Variants in SORCS1 observed in about 807,000 individuals in gnomAD.
SORCS1 encodes sortilin related VPS10 domain containing receptor 1, also known as VPS10 domain-containing receptor SorCS1.
SORCS1 carries 60 observed loss-of-function variants against 146.1 expected under a neutral mutation model. That is an observed-to-expected ratio of 0.41 (90% CI 0.33 to 0.51). SORCS1 has a LOEUF of 0.51. Among genes scored for constraint, SORCS1 ranks in the 20% least tolerant of loss-of-function variants. SORCS1 has a pLI of 0.21. For missense variants in SORCS1, 1,352 were observed against 1,487.6 expected (o/e 0.91, Z 1.50); for synonymous variants, 637 against 584.0 (o/e 1.09, Z -1.31).
At chr10:106,922,036 A>T (rs1952736617) in intron 2 of SORCS1, among the ~76,000 whole-genome samples, 1 of 152,196 alleles carries the variant, frequency 6.6e-6, no homozygotes, top group South Asian at 2.1e-4. Context: ...AACATTAAGA[A>T]ATATAAGAAA....
chr10:106,726,185 C>CT (rs1169402270), intron 6 of SORCS1, among the ~76,000 whole-genome samples: 3,215 of 66,324 alleles, frequency 0.048, 245 homozygotes, highest in African/African-American at 0.12. Flanking sequence ...CTTTCCCTCT[C>CT]TTTTTTTTTT....
intron 18 of SORCS1, among the ~76,000 whole-genome samples, chr10:106,638,020 G>A (rs1848829186): frequency 6.6e-6 from 1 of 152,140 alleles, no homozygotes. Context: ...ACTATGAGCT[G>A]GGGCCTCTGT....
At chr10:106,773,945 T>C (rs1374598274) in intron 4 of SORCS1, among the ~76,000 whole-genome samples, 6 of 150,340 alleles carry the variant, frequency 4.0e-5, no homozygotes, top group Non-Finnish European at 7.4e-5. Context: ...CAAGACTCCA[T>C]CTCAAAAAAA....
At chr10:106,768,991 G>A (rs1394066858) in intron 4 of SORCS1, among the ~76,000 whole-genome samples, 1 of 152,186 alleles carries the variant, frequency 6.6e-6, no homozygotes, top group East Asian at 1.9e-4. Context: ...AGCAGGGGTA[G>A]GACGTGACAG....
chr10:107,011,371 A>G (rs1957688968), intron 1 of SORCS1, among the ~76,000 whole-genome samples: 1 of 152,372 alleles, frequency 6.6e-6, no homozygotes, highest in South Asian at 2.1e-4. Flanking sequence ...TCAAGAGCAG[A>G]TGATAAGAAA....
chr10:106,760,424 C>G lies in SORCS1; in HGVS notation c.959+1164G>C, dbSNP rs1242240766. 3.5e-5 allele frequency among the ~76,000 whole-genome samples: 4 copies of G among 115,756 alleles called. No individual in the cohort carries two copies. In the Admixed American group the frequency reaches 5.2e-4, roughly 15 times the overall value. 75.9% of individuals were successfully genotyped at this position (115,756 alleles called of 152,430 possible). ...AGACCACTGCACTCCAGCCTGGTGA[C>G]AGAGTGAGACTCCGTCTCAAAAAAA... On this transcript the variant is annotated intron_variant, in intron 5 of 25. Coordinates refer to ENST00000263054, the MANE Select transcript of SORCS1 (RefSeq NM_052918.5).
intron 2 of SORCS1, among the ~76,000 whole-genome samples, chr10:106,878,620 GTATATATATATATATA>G (rs3982430): frequency 3.5e-5 from 3 of 84,950 alleles, no homozygotes; most frequent in African/African-American, 9.2e-5. Flanking sequence ...AAACTACCTA[GTATATATATATATATA>G]TATATATATA....
At chr10:106,873,572 T>C (rs187311412) in intron 2 of SORCS1, among the ~76,000 whole-genome samples, 1 of 152,296 alleles carries the variant, frequency 6.6e-6, no homozygotes, top group East Asian at 1.9e-4. Context: ...CTAAACCATT[T>C]TGGCCCTATG....
Position 107,098,789 on chromosome 10 carries a change from G to A in SORCS1, c.558+65180C>T, listed in dbSNP as rs559466889. ...TACACATGCATGACTTCTCCCATGT[G>A]GCTCTCATGTATTACTCTGGGAAAA... On this transcript the variant is annotated intron_variant, in intron 1 of 25. Transcript: ENST00000263054. 2.0e-5 allele frequency among the ~76,000 whole-genome samples: 3 copies of A among 152,200 alleles called. No individual in the cohort carries two copies. The South Asian group carries it at 6.2e-4, about 32-fold the overall frequency.
At chr10:106,884,975 C>A (rs937637163) in intron 2 of SORCS1, among the ~76,000 whole-genome samples, 1 of 152,096 alleles carries the variant, frequency 6.6e-6, no homozygotes, top group Non-Finnish European at 1.5e-5. Context: ...CACTGGGATA[C>A]AAAAGCACCT....
intron 5 of SORCS1, among the ~76,000 whole-genome samples, chr10:106,739,687 G>A (rs898717989): frequency 6.6e-6 from 1 of 150,570 alleles, no homozygotes; most frequent in Non-Finnish European, 1.5e-5. Flanking sequence ...GTGTGGTGGC[G>A]AGCGCCGTAA....
At chr10:106,936,664 T>A (rs888960192) in intron 2 of SORCS1, among the ~76,000 whole-genome samples, 4 of 152,206 alleles carry the variant, frequency 2.6e-5, no homozygotes, top group African/African-American at 9.6e-5. Context: ...GAACTCTGAT[T>A]TCCTCCAAAG....
rs773906235 is a variant in SORCS1, at chr10:106,607,276, G to A, written c.3055C>T (p.His1019Tyr). The A allele has an allele frequency of 4.3e-6, 7 of 1,613,966 alleles. No homozygotes were observed. Among genetic ancestry groups the A allele is most frequent in the Non-Finnish European group, 5.1e-6 (6 of 1,179,980 alleles). ...CCAGGGAGCACCGCCACCAGGATGT[G>A]CTGGCCTGGAACCCCTGTGGCCTGA... is the stretch of plus-strand genomic sequence containing the variant. ...LVEATGVPGQ[H>Y]ILVAVLPGLP... The change falls in exon 23 of 26, where the codon CAC becomes TAC. Residue 1019 changes from histidine (H) to tyrosine (Y), a missense_variant. Transcript: ENST00000263054.
intron 18 of SORCS1, among the ~76,000 whole-genome samples, chr10:106,644,689 C>A (rs1849294294): frequency 6.6e-6 from 1 of 152,164 alleles, no homozygotes; most frequent in Admixed American, 6.6e-5. Context: ...ACAGCTTTGA[C>A]TATTTTTGCA....
intron 3 of SORCS1, among the ~76,000 whole-genome samples, chr10:106,808,339 A>G (rs2136741094): frequency 6.6e-6 from 1 of 152,152 alleles, no homozygotes; most frequent in African/African-American, 2.4e-5. Context: ...TTAAATATTA[A>G]ATTCAGCTCA....
rs886710110 is a variant in SORCS1, at chr10:106,841,894, T to C, written c.627-12221A>G. On this transcript the variant is annotated intron_variant, in intron 2 of 25. Transcript: ENST00000263054. ...TAAATAAAACTTCTATAAACATCCA[T>C]GTGCAGAATTTTGTGTAAACATGTT... Among the ~76,000 whole-genome samples the C allele has an allele frequency of 9.2e-5, 14 of 152,358 alleles. 2 individuals are homozygous for C. The highest frequency in any genetic ancestry group is 5.2e-4 in the Admixed American group (8 of 15,310).
intron 1 of SORCS1, among the ~76,000 whole-genome samples, chr10:107,103,441 A>C (rs1965086275): frequency 6.6e-6 from 1 of 152,238 alleles, no homozygotes; most frequent in Admixed American, 6.5e-5. Flanking sequence ...AAATTCACAA[A>C]GCATGCCTCA....
chr10:106,790,739 G>C (rs180897883), intron 3 of SORCS1, among the ~76,000 whole-genome samples: 39 of 152,314 alleles, frequency 2.6e-4, no homozygotes, highest in Non-Finnish European at 4.6e-4. Context: ...TGAAGACAAA[G>C]AGTGCTCCTA....
chr10:107,157,133 T>C (rs925698559), intron 1 of SORCS1, among the ~76,000 whole-genome samples: 2 of 152,196 alleles, frequency 1.3e-5, no homozygotes, highest in African/African-American at 4.8e-5. Context: ...TACAGGTGCA[T>C]GGGCTTCAGA....
Sources: gnomAD v4.1 joint callset for allele counts (sites outside exome capture counted in the v4.1 genomes callset) on GRCh38, gnomAD v4.1.1 for gene constraint, MANE v1.5 for transcripts, NCBI Gene and HGNC (gene_info 2026-07-23, HGNC 2026-07-21) for gene names.